FSTL5: variants seen among roughly 807,000 people sequenced by gnomAD.
FSTL5 encodes the protein follistatin-related protein 5.
A neutral mutation model predicts 89.1 loss-of-function variants in FSTL5; 62 were observed. The observed-to-expected ratio is 0.70, with a 90% CI of 0.57 to 0.86. The LOEUF is 0.86. Ranked by LOEUF, FSTL5 falls within the 40% of genes least tolerant of loss-of-function variation. The probability of loss-of-function intolerance (pLI) is 0.00; values close to 1 mark genes in which losing one functional copy is unlikely to be tolerated. For missense variants in FSTL5, 1,057 were observed against 1,001.6 expected, an observed-to-expected ratio of 1.06 and a Z score of -0.75; for synonymous variants, 383 against 346.2, an observed-to-expected ratio of 1.11 and a Z score of -1.18.
intron 2 of FSTL5, among the ~76,000 whole-genome samples, chr4:162,036,355 T>C (rs1443541172): frequency 6.6e-6 from 1 of 152,076 alleles, no homozygotes; most frequent in Non-Finnish European, 1.5e-5. Context: ...ATATCCTTAG[T>C]GTCACCCTGT....
At chr4:161,533,001 G>C (rs1040514462) in intron 10 of FSTL5, among the ~76,000 whole-genome samples, 3 of 142,980 alleles carry the variant, frequency 2.1e-5, no homozygotes, top group Non-Finnish European at 4.6e-5. Flanking sequence ...TAACATTAAC[G>C]CAGAAATAAA....
intron 15 of FSTL5, among the ~76,000 whole-genome samples, chr4:161,404,987 T>C (rs999154219): frequency 2.6e-5 from 4 of 152,106 alleles, no homozygotes; most frequent in African/African-American, 7.2e-5. Context: ...TCCCAGAACT[T>C]TGGGAGGCCG....
At chr4:161,836,730 G>A (rs1731055703) in intron 4 of FSTL5, among the ~76,000 whole-genome samples, 1 of 151,858 alleles carries the variant, frequency 6.6e-6, no homozygotes, top group Non-Finnish European at 1.5e-5. Flanking sequence ...TAAAGATATT[G>A]TGAAATTTTT....
intron 7 of FSTL5, among the ~76,000 whole-genome samples, chr4:161,638,693 C>CA (rs1735827881): frequency 7.5e-6 from 1 of 132,890 alleles, no homozygotes; most frequent in East Asian, 2.1e-4. Context: ...GAGACACAAC[C>CA]AAAAAAGAGA....
At chr4:161,656,061 T>C (rs1578999057) in intron 7 of FSTL5, among the ~76,000 whole-genome samples, 2 of 152,306 alleles carry the variant, frequency 1.3e-5, no homozygotes, top group Non-Finnish European at 2.9e-5. Flanking sequence ...TAAAACTTAA[T>C]AGATATTCCC....
rs182896018 is a variant in FSTL5 at position 161,966,800 on chromosome 4, G to A, written c.161-46148C>T. On this transcript the variant is annotated intron_variant, in intron 3 of 15. Coordinates refer to ENST00000306100, the MANE Select transcript of FSTL5 (RefSeq NM_020116.5). The stretch of plus-strand genomic sequence containing the variant: ...CTGTTGTTTAAGTCACCTCATCTTT[G>A]GTATTTTGTTATGGTAGCCCTAGCA... Among the ~76,000 whole-genome samples the A allele has an allele frequency of 3.3e-5, 5 of 151,926 alleles. No homozygotes were observed. In the East Asian group the frequency reaches 9.8e-4, roughly 30 times the overall value.
At chr4:161,699,261 G>A (rs1297634394) in intron 6 of FSTL5, among the ~76,000 whole-genome samples, 2 of 152,066 alleles carry the variant, frequency 1.3e-5, no homozygotes. Context: ...ATTAAATCGT[G>A]CCTTTTTGTG....
chr4:161,439,549 T>C (rs1444693147), intron 15 of FSTL5, among the ~76,000 whole-genome samples: 1 of 152,216 alleles, frequency 6.6e-6, no homozygotes, highest in East Asian at 1.9e-4. Context: ...GGCTAAAATA[T>C]GCAAAGAATA....
At chr4:161,998,375 G>C (rs1736362429) in intron 3 of FSTL5, among the ~76,000 whole-genome samples, 1 of 152,064 alleles carries the variant, frequency 6.6e-6, no homozygotes, top group Non-Finnish European at 1.5e-5. Flanking sequence ...CTATCTCTCA[G>C]TCTCTGTGGG....
intron 3 of FSTL5, among the ~76,000 whole-genome samples, chr4:161,975,512 C>A (rs1295111608): frequency 1.4e-5 from 2 of 146,406 alleles, no homozygotes; most frequent in African/African-American, 5.0e-5. Flanking sequence ...AACAAAAAAC[C>A]AAACACCGCA....
At chr4:161,577,259 T>C (rs1733250480) in intron 8 of FSTL5, among the ~76,000 whole-genome samples, 1 of 152,080 alleles carries the variant, frequency 6.6e-6, no homozygotes, top group Admixed American at 6.6e-5. Flanking sequence ...TTTTTACAAA[T>C]GAGGGTCTTA....
chr4:162,035,790 G>C (rs1351401144), intron 2 of FSTL5, among the ~76,000 whole-genome samples: 1 of 152,044 alleles, frequency 6.6e-6, no homozygotes, highest in Admixed American at 6.6e-5. Flanking sequence ...TAATTCAGGT[G>C]GGCTGTGACA....
chr4:161,963,689 AG>A (rs1220333464), intron 3 of FSTL5, among the ~76,000 whole-genome samples: 3 of 151,970 alleles, frequency 2.0e-5, no homozygotes, highest in Non-Finnish European at 4.4e-5. Context: ...CTTTTACAAA[AG>A]TTTGCCCAAC....
intron 1 of FSTL5, among the ~76,000 whole-genome samples, chr4:162,146,563 T>A (rs1034806467): frequency 2.0e-5 from 3 of 152,114 alleles, no homozygotes; most frequent in African/African-American, 7.2e-5. Context: ...ACATCTCATG[T>A]TAGTATGACA....
intron 4 of FSTL5, among the ~76,000 whole-genome samples, chr4:161,780,245 T>A (rs6847250): frequency 0.73 from 110,101 of 150,188 alleles, 40,400 homozygotes; most frequent in Non-Finnish European, 0.76. Flanking sequence ...AAGAAAAACA[T>A]CTAGCACGGT....
chr4:161,447,258 G>A (rs535929999), intron 15 of FSTL5, among the ~76,000 whole-genome samples: 6 of 151,998 alleles, frequency 3.9e-5, no homozygotes, highest in Admixed American at 2.0e-4. Context: ...AGAGCTTAGA[G>A]TCTACCAATA....
chr4:161,669,617 C>A (rs1737027060), intron 6 of FSTL5, among the ~76,000 whole-genome samples: 1 of 151,830 alleles, frequency 6.6e-6, no homozygotes, highest in African/African-American at 2.4e-5. Context: ...TAGACAGAAG[C>A]CCTACACATT....
chr4:161,947,769 T>C (rs975068431), intron 3 of FSTL5, among the ~76,000 whole-genome samples: 1 of 152,146 alleles, frequency 6.6e-6, no homozygotes, highest in South Asian at 2.1e-4. Context: ...AAAAGTCTTC[T>C]AGAATTTTCA....
intron 3 of FSTL5, among the ~76,000 whole-genome samples, chr4:161,964,695 C>T (rs1043694563): frequency 1.3e-5 from 2 of 151,962 alleles, no homozygotes; most frequent in South Asian, 4.1e-4. Context: ...ATAATGTTTG[C>T]TTCATTCTTA....
Sources: allele counts gnomAD v4.1 joint callset (sites outside exome capture counted in the v4.1 genomes callset), GRCh38; gene constraint gnomAD v4.1.1; transcripts MANE v1.5; gene names NCBI Gene and HGNC (gene_info 2026-07-23, HGNC 2026-07-21).